Variants in TOGARAM2 observed in about 807,000 individuals in gnomAD.
TOGARAM2 encodes TOG array regulator of axonemal microtubules protein 2.
Under a neutral mutation model 93.3 loss-of-function variants are expected in TOGARAM2, and 85 were observed. The observed-to-expected ratio is 0.91, with a 90% CI of 0.76 to 1.09. The LOEUF (loss-of-function observed/expected upper bound fraction) is 1.09, where lower values mean the gene tolerates loss of function less well. Among genes scored for constraint, TOGARAM2 ranks in the 50% least tolerant of loss-of-function variants. The pLI is 0.00. For synonymous variants in TOGARAM2, 593 were observed against 552.8 expected (o/e 1.07, Z -1.02); for missense variants, 1,277 against 1,334.5 (o/e 0.96, Z 0.67).
At position 28,990,062 on chromosome 2, in the gene TOGARAM2, C is replaced by T. The variant is rs549919784; in HGVS notation, c.-110-4663C>T. Among the ~76,000 whole-genome samples, 15 of 152,224 alleles carry T rather than the reference C, an allele frequency of 9.9e-5. No individual in the cohort carries two copies. In the South Asian group the frequency reaches 2.1e-3, roughly 21 times the overall value. On this transcript the variant is annotated intron_variant, in intron 1 of 19. Transcript: ENST00000379558. Reference sequence around the variant, plus strand: ...CAGGTCTACGGCCTGGGCTGCCTCCCATGAGGGGAGCAGAGGTGGGTGGAG... The same window carrying T: ...CAGGTCTACGGCCTGGGCTGCCTCCTATGAGGGGAGCAGAGGTGGGTGGAG...
At chr2:29,008,789 T>C (rs1248435673) in intron 6 of TOGARAM2, among the ~76,000 whole-genome samples, 1 of 152,218 alleles carries the variant, frequency 6.6e-6, no homozygotes, top group East Asian at 1.9e-4. Context: ...TTCTGTTCTT[T>C]AACTTGGAGC....
In TOGARAM2 at chr2:28,962,398, ACTC is replaced by A. The variant is rs148952897; in HGVS notation, c.-147+5704_-147+5706del. Among the ~76,000 whole-genome samples, 274 of 151,654 alleles carry A rather than the reference ACTC, an allele frequency of 1.8e-3. 1 individual carries two copies. The highest frequency in any genetic ancestry group is 5.7e-3 in the African/African-American group (234 of 41,330). The stretch of plus-strand genomic sequence containing the variant: ...AGCATGTTGGCGAGGCTGGTCTCAA[ACTC>A]CTGACCTCATAATGCACCCACCTTG... On this transcript the variant is annotated intron_variant, in intron 1 of 6. Coordinates refer to the TOGARAM2 transcript ENST00000401723.
At chr2:29,049,619 G>T (rs1162702628) in intron 19 of TOGARAM2, 5 of 152,180 alleles carry the variant, frequency 3.3e-5, no homozygotes, top group Non-Finnish European at 5.9e-5. Flanking sequence ...CTGCTTTCTT[G>T]TCACCTGTTC....
intron 4 of TOGARAM2, among the ~76,000 whole-genome samples, chr2:29,000,736 T>G (rs1572665473): frequency 6.6e-6 from 1 of 152,268 alleles, no homozygotes; most frequent in East Asian, 1.9e-4. Context: ...AGCCTCTCCC[T>G]GGAGCCGTGG....
At chr2:29,044,968 TCATCCATC>T (rs756862968) in intron 18 of TOGARAM2, among the ~76,000 whole-genome samples, 4 of 152,042 alleles carry the variant, frequency 2.6e-5, no homozygotes, top group Non-Finnish European at 5.9e-5. Context: ...CTTCTCTCCA[TCATCCATC>T]CATCCATCCA....
chr2:29,018,234 G>A (rs939655313), intron 10 of TOGARAM2: 15 of 416,192 alleles, frequency 3.6e-5, no homozygotes, highest in Non-Finnish European at 5.1e-5. Context: ...CAGTGCACGA[G>A]GGCCAAAGAC....
At chr2:28,964,048 G>T (rs1416135229) in intron 1 of TOGARAM2, among the ~76,000 whole-genome samples, 1 of 152,160 alleles carries the variant, frequency 6.6e-6, no homozygotes, top group Non-Finnish European at 1.5e-5. Context: ...GGGTGCAATG[G>T]TCTGTAAATA....
intron 1 of TOGARAM2, among the ~76,000 whole-genome samples, chr2:28,976,144 A>G (rs906052228): frequency 3.9e-5 from 6 of 152,116 alleles, no homozygotes; most frequent in South Asian, 2.1e-4. Flanking sequence ...GCCGAGGTGG[A>G]TGGATCACGA....
At chr2:28,999,696 C>A (rs558105962) in intron 4 of TOGARAM2, among the ~76,000 whole-genome samples, 1 of 152,246 alleles carries the variant, frequency 6.6e-6, no homozygotes, top group Non-Finnish European at 1.5e-5. Context: ...TCATTCCCAC[C>A]CTTGCGCCTT....
intron 19 of TOGARAM2, chr2:29,048,702 A>C (rs1438256879): frequency 3.7e-5 from 5 of 133,938 alleles, no homozygotes; most frequent in Admixed American, 2.3e-4. Flanking sequence ...TTTTTCAGAG[A>C]GATTCTCGTT....
At chr2:28,967,668 G>T (rs1671885880) in intron 1 of TOGARAM2, among the ~76,000 whole-genome samples, 2 of 152,018 alleles carry the variant, frequency 1.3e-5, no homozygotes, top group South Asian at 4.1e-4. Context: ...GAGGGGTGAG[G>T]ATCCAGTTTC....
intron 6 of TOGARAM2, among the ~76,000 whole-genome samples, chr2:29,010,426 G>A (rs146818375): frequency 3.6e-3 from 544 of 152,144 alleles, no homozygotes; most frequent in Non-Finnish European, 6.1e-3. Flanking sequence ...GGCGAATCCC[G>A]GCTGATCTAC....
intron 1 of TOGARAM2, among the ~76,000 whole-genome samples, chr2:28,964,079 G>A (rs959586777): frequency 2.0e-5 from 3 of 152,208 alleles, no homozygotes; most frequent in African/African-American, 7.2e-5. Context: ...CAAATTGCTT[G>A]ATAGTGTCAT....
At chr2:28,986,767 A>G (rs1672489151) in intron 1 of TOGARAM2, among the ~76,000 whole-genome samples, 1 of 152,244 alleles carries the variant, frequency 6.6e-6, no homozygotes, top group Admixed American at 6.5e-5. Context: ...ACATCTGAAC[A>G]CAGCAAAACA....
At chr2:28,976,447 C>G (rs1672037475), upstream of TOGARAM2, among the ~76,000 whole-genome samples, 1 of 152,212 alleles carries the variant, frequency 6.6e-6, no homozygotes, top group African/African-American at 2.4e-5. Context: ...ATTTACTCAC[C>G]TATTAACTCC....
chr2:28,998,159 C>A lies in TOGARAM2; in HGVS notation c.45C>A (p.Pro15=). ...DDVPEAKVLV[P]VAVYCGSIPR... is the part of the protein sequence containing the mutation. ...TGTCTCCAGCCAAGGTCCTGGTCCC[C>A]GTGGCCGTGTACTGCGGGAGCATCC... The change falls in exon 3 of 20, where the codon CCC becomes CCA. Residue 15 remains proline, a synonymous_variant. Transcript: ENST00000379558. The A allele has an allele frequency of 6.2e-7, 1 of 1,607,894 alleles. No homozygotes were observed. The highest frequency in any genetic ancestry group is 8.5e-7 in the Non-Finnish European group (1 of 1,177,432).
chr2:29,025,844 G>T (rs1189193165), intron 13 of TOGARAM2, among the ~76,000 whole-genome samples: 1 of 152,200 alleles, frequency 6.6e-6, no homozygotes, highest in African/African-American at 2.4e-5. Flanking sequence ...TCTCAGTTCA[G>T]TTCAGCAAAC....
chr2:29,024,883 T>C (rs1002986107), intron 13 of TOGARAM2, among the ~76,000 whole-genome samples: 2 of 152,182 alleles, frequency 1.3e-5, no homozygotes, highest in African/African-American at 4.8e-5. Flanking sequence ...CAAAATTTCA[T>C]TCTCCAGCTT....
At chr2:29,050,792 G>T (rs1276583496) in intron 19 of TOGARAM2, 2 of 152,276 alleles carry the variant, frequency 1.3e-5, no homozygotes, top group South Asian at 4.1e-4. Context: ...GGATAATGCG[G>T]CCACAGCTGA....
Sources: allele counts gnomAD v4.1 joint callset (sites outside exome capture counted in the v4.1 genomes callset), GRCh38; gene constraint gnomAD v4.1.1; transcripts MANE v1.5; gene names NCBI Gene and HGNC (gene_info 2026-07-23, HGNC 2026-07-21).